The following C14orf132 variants were observed in gnomAD, a reference collection of about 807,000 sequenced individuals.
The protein encoded by C14orf132 is uncharacterized protein C14orf132.
Under a neutral mutation model 5.8 loss-of-function variants are expected in C14orf132, and 6 were observed. That is an observed-to-expected ratio of 1.03 (90% CI 0.57 to 2.04). The LOEUF (loss-of-function observed/expected upper bound fraction) is 2.04. C14orf132 is among the 30% of genes most tolerant of loss of function. The probability of loss-of-function intolerance (pLI) is 0.00; values close to 1 mark genes in which losing one functional copy is unlikely to be tolerated. For synonymous variants in C14orf132, 51 were observed against 49.8 expected (o/e 1.02, Z -0.10); for missense variants, 125 against 115.8 (o/e 1.08, Z -0.37).
intron 1 of C14orf132, among the ~76,000 whole-genome samples, chr14:96,084,297 G>A (rs1054437318): frequency 6.6e-6 from 1 of 151,956 alleles, no homozygotes; most frequent in Non-Finnish European, 1.5e-5. Flanking sequence ...GGGATGTGGG[G>A]GCAGAACAAT....
rs533903766 is a variant in C14orf132 at position 96,049,550 on chromosome 14, A to G, written c.27+10023A>G. 3.1e-4 allele frequency among the ~76,000 whole-genome samples: 42 copies of G among 137,374 alleles called. No individual in the cohort carries two copies. The South Asian group carries it at 3.1e-3, about 10-fold the overall frequency. 90.1% of individuals were successfully genotyped at this position (137,374 alleles called of 152,430 possible). ...TACACATATATACATACGTATATAT[A>G]TACATATATACGTATATATACATAT... On this transcript the variant is annotated intron_variant, in intron 1 of 1. Coordinates refer to ENST00000555004, the MANE Select transcript of C14orf132 (RefSeq NM_001252507.3).
At chr14:96,064,560 T>A (rs1887473415) in intron 1 of C14orf132, among the ~76,000 whole-genome samples, 3 of 151,834 alleles carry the variant, frequency 2.0e-5, no homozygotes, top group African/African-American at 4.8e-5. Flanking sequence ...TTATTCTAAG[T>A]GAAGTGACTC....
intron 1 of C14orf132, among the ~76,000 whole-genome samples, chr14:96,082,676 A>G (rs1364518131): frequency 6.6e-6 from 1 of 152,168 alleles, no homozygotes; most frequent in African/African-American, 2.4e-5. Flanking sequence ...CGATCACACA[A>G]AAAGCACATG....
At chr14:96,073,811 G>A (rs1025432631) in intron 1 of C14orf132, among the ~76,000 whole-genome samples, 3 of 152,094 alleles carry the variant, frequency 2.0e-5, no homozygotes, top group African/African-American at 7.2e-5. Context: ...ATGATAGACT[G>A]GATAAAAAAA....
chr14:96,066,860 C>T (rs749895307), intron 1 of C14orf132, among the ~76,000 whole-genome samples: 3 of 152,056 alleles, frequency 2.0e-5, no homozygotes, highest in Non-Finnish European at 4.4e-5. Flanking sequence ...TTTGTCAGTT[C>T]TAGGAATAAA....
At chr14:96,068,860 G>A (rs915357208) in intron 1 of C14orf132, among the ~76,000 whole-genome samples, 2 of 152,032 alleles carry the variant, frequency 1.3e-5, no homozygotes, top group Non-Finnish European at 2.9e-5. Flanking sequence ...GATGAGGTTA[G>A]CATTTCAATC....
At chr14:96,050,530 A>G (rs1343138452) in intron 1 of C14orf132, among the ~76,000 whole-genome samples, 1 of 150,710 alleles carries the variant, frequency 6.6e-6, no homozygotes, top group African/African-American at 2.4e-5. Flanking sequence ...ACATGCATTC[A>G]TCTGTCCTTT....
At chr14:96,082,624 G>A (rs1025675121) in intron 1 of C14orf132, among the ~76,000 whole-genome samples, 3 of 152,196 alleles carry the variant, frequency 2.0e-5, no homozygotes, top group East Asian at 1.9e-4. Context: ...TAGGGGGCAC[G>A]GGTGGCCATC....
At chr14:96,080,026 T>C (rs1406060849) in intron 1 of C14orf132, among the ~76,000 whole-genome samples, 1 of 152,220 alleles carries the variant, frequency 6.6e-6, no homozygotes, top group Non-Finnish European at 1.5e-5. Flanking sequence ...AAAAATTGTG[T>C]TGTTTATTTG....
At chr14:96,057,042 T>A (rs958301288) in intron 1 of C14orf132, among the ~76,000 whole-genome samples, 1 of 152,306 alleles carries the variant, frequency 6.6e-6, no homozygotes, top group Middle Eastern at 3.4e-3. Context: ...AGACACTTAA[T>A]GGGGCTCACA....
In C14orf132 at chr14:96,087,241, T is replaced by A. The variant is rs917962305; in HGVS notation, c.*506T>A. On this transcript the variant is annotated 3_prime_UTR_variant, in exon 2 of 2. Coordinates refer to ENST00000555004, the MANE Select transcript of C14orf132 (RefSeq NM_001252507.3). ...ATCTAGTAGGGCCATTGGATGTTCC[T>A]AGTTTGACTTTGAAATGGCACCTTT... 1 of 154,718 alleles carries A rather than the reference T, an allele frequency of 6.5e-6. No homozygotes were observed. The highest frequency in any genetic ancestry group is 1.4e-5 in the Non-Finnish European group (1 of 69,940). 9.6% of individuals were successfully genotyped at this position (154,718 alleles called of 1,614,324 possible).
rs531809490 is a variant in C14orf132 at position 96,051,638 on chromosome 14, C to T, written c.27+12111C>T. Among the ~76,000 whole-genome samples the T allele has an allele frequency of 4.6e-5, 7 of 152,308 alleles. No homozygotes were observed. The East Asian group carries it at 1.2e-3, about 25-fold the overall frequency. On this transcript the variant is annotated intron_variant, in intron 1 of 1. Coordinates refer to ENST00000555004, the MANE Select transcript of C14orf132 (RefSeq NM_001252507.3). ...TGTGCTCTCCCAGGCACCCTGAAAC[C>T]GTCTCTCTGCATTGAGTCTTAGCAG...
At chr14:96,067,373 C>G (rs1708330779) in intron 1 of C14orf132, among the ~76,000 whole-genome samples, 1 of 152,094 alleles carries the variant, frequency 6.6e-6, no homozygotes, top group Non-Finnish European at 1.5e-5. Flanking sequence ...TCCACTGAAC[C>G]AGAAAGATAG....
At position 96,092,374 on chromosome 14, in the gene C14orf132, G is replaced by A. The variant is rs1456235760; in HGVS notation, c.*5639G>A. The A allele has an allele frequency of 1.3e-5, 2 of 152,146 alleles. No individual in the cohort carries two copies. Among genetic ancestry groups the A allele is most frequent in the Non-Finnish European group, 1.5e-5 (1 of 68,024 alleles). The allele number at this position is 152,146 out of a possible 1,614,324, so 9.4% of individuals were successfully genotyped here. ...CCTGCCTCCCCAAGAGGAGGTTTGA[G>A]CCCCATTCTGCCTTGGAAATAAATC... On this transcript the variant is annotated 3_prime_UTR_variant, in exon 2 of 2. Transcript: ENST00000555004.
At chr14:96,071,869 C>T (rs956342840) in intron 1 of C14orf132, among the ~76,000 whole-genome samples, 5 of 152,230 alleles carry the variant, frequency 3.3e-5, no homozygotes, top group East Asian at 1.9e-4. Context: ...CCTGGGCCTT[C>T]GTCACAAAGG....
intron 1 of C14orf132, 90 bp from the exon 2 acceptor site, chr14:96,086,421 G>A (rs1888186488): frequency 8.8e-7 from 1 of 1,142,616 alleles, no homozygotes; most frequent in Non-Finnish European, 1.2e-6. Context: ...GCTTCATGTG[G>A]GGTTGTTTGA....
At chr14:96,044,117 C>T (rs988340192) in intron 1 of C14orf132, among the ~76,000 whole-genome samples, 3 of 152,226 alleles carry the variant, frequency 2.0e-5, no homozygotes, top group Admixed American at 2.0e-4. Context: ...TGTGGATCAG[C>T]TTCATCCTCT....
At position 96,090,871 on chromosome 14, in the gene C14orf132, T is replaced by C; in HGVS notation, c.*4136T>C. 4.4e-6 allele frequency: 2 copies of C among 456,120 alleles called. No individual in the cohort carries two copies. The allele number at this position is 456,120 out of a possible 1,614,324, so 28.3% of individuals were successfully genotyped here. On this transcript the variant is annotated 3_prime_UTR_variant, in exon 2 of 2. Transcript: ENST00000555004. ...TCTGTCTGTTGTCAGCACTGCTGCC[T>C]GATCCCTGCAAGACAAATGGCACTT...
chr14:96,087,320 A>T lies in C14orf132; in HGVS notation c.*585A>T. 1 of 152,286 alleles carries T rather than the reference A, an allele frequency of 6.6e-6. No individual in the cohort carries two copies. Among genetic ancestry groups the T allele is most frequent in the Middle Eastern group, 3.1e-3 (1 of 318 alleles). 9.4% of individuals were successfully genotyped at this position (152,286 alleles called of 1,614,324 possible). A position where few individuals can be genotyped will look rare whatever the true frequency, so the allele number is the denominator to read the frequency against. The stretch of plus-strand genomic sequence containing the variant: ...CCCAAGTGCATTGGGAGACCCAGGG[A>T]TGGGGGGTTACTGGTAATAGGTGGG... On this transcript the variant is annotated 3_prime_UTR_variant, in exon 2 of 2. Transcript: ENST00000555004.
Sources: allele counts gnomAD v4.1 joint callset (sites outside exome capture counted in the v4.1 genomes callset), GRCh38; gene constraint gnomAD v4.1.1; transcripts MANE v1.5; gene names NCBI Gene and HGNC (gene_info 2026-07-23, HGNC 2026-07-21).